Variants in PRIM2 observed in about 807,000 individuals in gnomAD.
PRIM2 encodes the protein DNA primase subunit 2.
PRIM2 carries 39 observed loss-of-function variants against 67.3 expected under a neutral mutation model. That is an observed-to-expected ratio of 0.58 (90% confidence interval 0.45 to 0.76). PRIM2 has a LOEUF of 0.76. Among genes scored for constraint, PRIM2 ranks in the 30% least tolerant of loss-of-function variants. The pLI, the probability that PRIM2 is intolerant of heterozygous loss-of-function variation, is 0.00. For synonymous variants in PRIM2, 143 were observed against 198.7 expected, an observed-to-expected ratio of 0.72 and a Z score of 2.36; for missense variants, 398 against 598.7, an observed-to-expected ratio of 0.66 and a Z score of 3.50.
At chr6:57,307,874 T>C in the PRIM2 span, among the ~76,000 whole-genome samples, 1 of 152,130 alleles carries the variant, frequency 6.6e-6, no homozygotes, top group Non-Finnish European at 1.5e-5. Context: ...CAGAAATCTG[T>C]TTATATGGTC....
chr6:57,427,229 A>T lies in PRIM2; in HGVS notation c.693+45061A>T, dbSNP rs563693586. 2.6e-5 allele frequency among the ~76,000 whole-genome samples: 4 copies of T among 152,314 alleles called. No homozygotes were observed. The South Asian group carries it at 8.3e-4, about 32-fold the overall frequency. On this transcript the variant is annotated intron_variant, in intron 7 of 13. Transcript: ENST00000615550. ...TATTTTCCAGATTTCATAAGTATTT[A>T]ATGAGATTTTGGGAATGGCTTTGTT...
intron 10 of PRIM2, among the ~76,000 whole-genome samples, chr6:57,551,266 A>G (rs1775395806): frequency 6.6e-6 from 1 of 152,190 alleles, no homozygotes; most frequent in South Asian, 2.1e-4. Flanking sequence ...ATGCAGCTCA[A>G]TCAGAAAAGC....
chr6:57,384,325 C>G (rs1770060728), intron 7 of PRIM2, among the ~76,000 whole-genome samples: 1 of 152,150 alleles, frequency 6.6e-6, no homozygotes, highest in Admixed American at 6.5e-5. Flanking sequence ...CAACATAACT[C>G]AAGTCTTCAC....
chr6:57,321,685 C>T (rs911883645), intron 3 of PRIM2, among the ~76,000 whole-genome samples: 1 of 152,224 alleles, frequency 6.6e-6, no homozygotes, highest in Admixed American at 6.5e-5. Flanking sequence ...TAGGGAATAA[C>T]AGCAGATATT....
intron 13 of PRIM2, among the ~76,000 whole-genome samples, chr6:57,640,951 A>C (rs1777221810): frequency 1.3e-5 from 2 of 151,648 alleles, no homozygotes; most frequent in East Asian, 3.9e-4. Context: ...CAAAAAAAAA[A>C]CAACGCTAGA....
intron 7 of PRIM2, among the ~76,000 whole-genome samples, chr6:57,495,710 C>T (rs1554346319): frequency 1.3e-5 from 2 of 152,112 alleles, no homozygotes; most frequent in Admixed American, 1.3e-4. Flanking sequence ...TCTTGTCCAC[C>T]TCCTACACTC....
intron 7 of PRIM2, 137 bp downstream of exon 7, chr6:57,382,305 G>A: frequency 1.0e-6 from 1 of 1,004,636 alleles, no homozygotes; most frequent in Non-Finnish European, 1.4e-6. Flanking sequence ...ATATGATGTT[G>A]TACTGTTAAT....
At chr6:57,306,688 A>C in the PRIM2 span, among the ~76,000 whole-genome samples, 2 of 152,074 alleles carry the variant, frequency 1.3e-5, no homozygotes, top group African/African-American at 4.8e-5. Flanking sequence ...ACAATATTAG[A>C]TCTGTCTTGG....
chr6:57,635,740 A>C (rs1424213418), intron 13 of PRIM2, among the ~76,000 whole-genome samples: 1 of 152,228 alleles, frequency 6.6e-6, no homozygotes. Context: ...CATTATGGAT[A>C]TCAGTTAGAA....
chr6:57,230,418 CCTTT>C, the PRIM2 span, among the ~76,000 whole-genome samples: 1 of 152,106 alleles, frequency 6.6e-6, no homozygotes, highest in Non-Finnish European at 1.5e-5. Flanking sequence ...TGGGGATTCC[CCTTT>C]CTTTGTTTTG....
chr6:57,257,261 T>C, the PRIM2 span, among the ~76,000 whole-genome samples: 1 of 145,808 alleles, frequency 6.9e-6, no homozygotes, highest in African/African-American at 2.7e-5. Flanking sequence ...GAATAAAATA[T>C]CTGTAGGCAT....
chr6:57,431,366 T>C (rs1480140884), intron 7 of PRIM2, among the ~76,000 whole-genome samples: 7 of 152,144 alleles, frequency 4.6e-5, no homozygotes, highest in African/African-American at 1.4e-4. Flanking sequence ...TAAAGAAAAT[T>C]TGGAGTCTGG....
At chr6:57,462,980 G>A (rs4990710) in intron 7 of PRIM2, among the ~76,000 whole-genome samples, 1 of 152,206 alleles carries the variant, frequency 6.6e-6, no homozygotes, top group Non-Finnish European at 1.5e-5. Flanking sequence ...TATGTCACAT[G>A]TTAGTATTGT....
chr6:57,242,956 T>G, the PRIM2 span, among the ~76,000 whole-genome samples: 6 of 152,240 alleles, frequency 3.9e-5, no homozygotes, highest in African/African-American at 1.4e-4. Flanking sequence ...TCTCAAACAA[T>G]GTAGTATTAC....
rs1554347984 is a variant in PRIM2 at position 57,514,081 on chromosome 6, G to A, written c.761+6627G>A. On this transcript the variant is annotated intron_variant, in intron 8 of 13. Coordinates refer to ENST00000615550, the MANE Select transcript of PRIM2 (RefSeq NM_000947.5). ...TTGCAAGCAGATGTTTATACAAACC[G>A]TTATTTTAAAATCGTTTAAAGTAAT... is the stretch of plus-strand genomic sequence containing the variant. Among the ~76,000 whole-genome samples the A allele has an allele frequency of 3.0e-4, 46 of 152,210 alleles. 1 individual carries two copies. In the East Asian group the frequency reaches 7.1e-3, roughly 24 times the overall value.
chr6:57,441,673 A>C (rs1772207845), intron 7 of PRIM2, among the ~76,000 whole-genome samples: 2 of 152,240 alleles, frequency 1.3e-5, no homozygotes, highest in African/African-American at 4.8e-5. Flanking sequence ...TTGAAAAGTT[A>C]GGCATACACA....
chr6:57,295,091 G>A, the PRIM2 span, among the ~76,000 whole-genome samples: 1 of 152,124 alleles, frequency 6.6e-6, no homozygotes, highest in Non-Finnish European at 1.5e-5. Context: ...ACGCCCAGCT[G>A]TACTTTGTAA....
At chr6:57,272,619 C>G in the PRIM2 span, among the ~76,000 whole-genome samples, 1 of 152,144 alleles carries the variant, frequency 6.6e-6, no homozygotes, top group Non-Finnish European at 1.5e-5. Context: ...GCATTTAGTC[C>G]ATTTACATTC....
chr6:57,248,529 A>T, the PRIM2 span, among the ~76,000 whole-genome samples: 10 of 152,362 alleles, frequency 6.6e-5, no homozygotes, highest in East Asian at 1.9e-3. Context: ...GGGATTGAGC[A>T]ACTGGCTTAA....
Sources: gnomAD v4.1 joint callset for allele counts (sites outside exome capture counted in the v4.1 genomes callset) on GRCh38, gnomAD v4.1.1 for gene constraint, MANE v1.5 for transcripts, NCBI Gene and HGNC (gene_info 2026-07-23, HGNC 2026-07-21) for gene names.